TAF1: variants seen among roughly 807,000 people sequenced by gnomAD.
TAF1 encodes the protein transcription initiation factor TFIID subunit 1.
In TAF1, 2 loss-of-function variants were observed where a neutral mutation model predicts 138.5. The observed-to-expected ratio is 0.01, with a 90% confidence interval of 0.01 to 0.05. The LOEUF (loss-of-function observed/expected upper bound fraction) is 0.05. Among genes scored for constraint, TAF1 ranks in the 10% least tolerant of loss-of-function variants. The pLI is 1.00. For synonymous variants in TAF1, 437 were observed against 503.2 expected (o/e 0.87, Z 1.76); for missense variants, 709 against 1,478.0 (o/e 0.48, Z 8.53).
chrX:71,501,055 C>T (rs2039494937), intron 13 of TAF1, among the ~76,000 whole-genome samples: 2 of 66,097 alleles, frequency 3.0e-5, no homozygotes, highest in African/African-American at 8.8e-5. Flanking sequence ...AAGAACGAGA[C>T]TTCTCTCAAA....
chrX:71,503,361 T>C (rs186887134), intron 13 of TAF1, among the ~76,000 whole-genome samples: 1,293 of 98,989 alleles, frequency 0.013, 17 homozygotes, highest in African/African-American at 0.024. Flanking sequence ...TATATATATA[T>C]ACACACACAT....
rs762343552 is a variant in TAF1 at position 71,399,850 on chromosome X, G to A, written c.3786+1113G>A. Among the ~76,000 whole-genome samples the A allele has an allele frequency of 6.4e-5, 7 of 110,235 alleles. No homozygotes were observed. The East Asian group carries it at 1.7e-3, about 27-fold the overall frequency. On this transcript the variant is annotated intron_variant, in intron 24 of 37. Transcript: ENST00000423759. ...CGTTTCAAGCGGCAATCCTGCCTCA[G>A]CCTCCCGAGTAGCTGGGATTACAGG...
intron 1 of TAF1, among the ~76,000 whole-genome samples, chrX:71,366,832 T>C (rs912764892): frequency 2.2e-4 from 24 of 111,341 alleles, no homozygotes; most frequent in Non-Finnish European, 3.8e-4. Context: ...TTCTTGACAC[T>C]GCCTGCCCCT....
exon 15 of TAF1, chrX:71,529,963 C>T (rs944863594): frequency 1.1e-5 from 2 of 188,503 alleles, no homozygotes; most frequent in Admixed American, 1.4e-4. Context: ...GTGTGCTCCC[C>T]TTGCTGTTCT....
intron 4 of TAF1, among the ~76,000 whole-genome samples, 159 bp from the exon 5 acceptor site, chrX:71,376,791 A>G (rs1316928478): frequency 9.0e-6 from 1 of 111,502 alleles, no homozygotes; most frequent in African/African-American, 3.3e-5. Context: ...AACGAGTTAG[A>G]ATGAGTTTTC....
chrX:71,456,698 C>T (rs1035164406), intron 34 of TAF1, among the ~76,000 whole-genome samples: 1 of 38,405 alleles, frequency 2.6e-5, no homozygotes, highest in African/African-American at 1.3e-4. Flanking sequence ...TTTTTGAGAC[C>T]GAGTTTTGCT....
intron 32 of TAF1, among the ~76,000 whole-genome samples, chrX:71,437,912 T>A (rs919890872): frequency 3.8e-5 from 4 of 105,620 alleles, no homozygotes; most frequent in African/African-American, 1.4e-4. Flanking sequence ...CTTGGCTTAC[T>A]GCAACCTCCG....
chrX:71,426,163 T>C (rs1202096959), intron 32 of TAF1, among the ~76,000 whole-genome samples: 3 of 110,828 alleles, frequency 2.7e-5, no homozygotes, highest in African/African-American at 9.8e-5. Context: ...TTTTCTTTTT[T>C]GTAAATAGAG....
chrX:71,419,396 AC>A (rs1202394354), intron 28 of TAF1, among the ~76,000 whole-genome samples: 1 of 110,991 alleles, frequency 9.0e-6, no homozygotes, highest in African/African-American at 3.3e-5. Flanking sequence ...AAAAACAAAA[AC>A]AAAAACACCC....
In TAF1 at chrX:71,464,805, A is replaced by G. The variant is rs1350661073; in HGVS notation, c.*759A>G. 2 of 112,341 alleles carry G rather than the reference A, an allele frequency of 1.8e-5. No homozygotes were observed. The highest frequency in any genetic ancestry group is 1.9e-5 in the Non-Finnish European group (1 of 53,582). The allele number at this position is 112,341 out of a possible 1,213,427, so 9.3% of individuals were successfully genotyped here. A position where few individuals can be genotyped will look rare whatever the true frequency, so the allele number is the denominator to read the frequency against. ...CTGCTGGGACAGAGAATTGGGTTCT[A>G]GTGGACTCTGTGCTACACTTAAACC... On this transcript the variant is annotated 3_prime_UTR_variant, in exon 38 of 38. Transcript: ENST00000423759.
chrX:71,382,566 C>T lies in TAF1; in HGVS notation c.1568C>T (p.Ser523Phe). 1 of 1,210,332 alleles carries T rather than the reference C, an allele frequency of 8.3e-7. No individual in the cohort carries two copies. Reference sequence around the variant, plus strand: ...CCTGATGAGAAGGAAGAGGCCACCTCTAACTCCCCCTCCAAGGAGAGTAAG... The same window carrying T: ...CCTGATGAGAAGGAAGAGGCCACCTTTAACTCCCCCTCCAAGGAGAGTAAG... ...EIPDEKEEAT[S>F]NSPSKESKKE... The change falls in exon 10 of 38, where the codon TCT becomes TTT. Residue 523 changes from serine (S) to phenylalanine (F), a missense_variant. Coordinates refer to ENST00000423759, the MANE Select transcript of TAF1 (RefSeq NM_004606.5).
chrX:71,471,794 A>G (rs976174468), intron 13 of TAF1, among the ~76,000 whole-genome samples: 2 of 111,577 alleles, frequency 1.8e-5, no homozygotes, highest in African/African-American at 6.5e-5. Flanking sequence ...GACGTTTCCC[A>G]TTGGCTACTT....
chrX:71,402,942 G>T (rs2043727214), intron 25 of TAF1, among the ~76,000 whole-genome samples: 1 of 110,500 alleles, frequency 9.0e-6, no homozygotes, highest in Non-Finnish European at 1.9e-5. Flanking sequence ...CCCAGTTCTG[G>T]ATTCAATCCC....
chrX:71,403,638 T>C (rs185900217), intron 25 of TAF1, among the ~76,000 whole-genome samples: 129 of 111,582 alleles, frequency 1.2e-3, no homozygotes, highest in African/African-American at 4.1e-3. Context: ...CTTTTAATAG[T>C]TTTAGCATCG....
chrX:71,418,233 A>G lies in TAF1; in HGVS notation c.4385-3076A>G, dbSNP rs149720807. Reference sequence around the variant, plus strand: ...GTCAGCCTGCCGAGTAGCTGGGACTACAGGTGCATGCCATCACATCCAGCT... The same window carrying G: ...GTCAGCCTGCCGAGTAGCTGGGACTGCAGGTGCATGCCATCACATCCAGCT... On this transcript the variant is annotated intron_variant, in intron 28 of 37. Coordinates refer to ENST00000423759, the MANE Select transcript of TAF1 (RefSeq NM_004606.5). 7.2e-3 allele frequency among the ~76,000 whole-genome samples: 803 copies of G among 111,598 alleles called. 10 individuals carry two copies. Among genetic ancestry groups the G allele is most frequent in the African/African-American group, 0.025 (757 of 30,623 alleles).
chrX:71,447,282 T>C (rs939774770), intron 32 of TAF1, among the ~76,000 whole-genome samples: 1 of 111,624 alleles, frequency 9.0e-6, no homozygotes, highest in African/African-American at 3.3e-5. Context: ...GAATTATTTT[T>C]AGTATTTGTG....
chrX:71,497,883 C>T (rs1420852925), intron 13 of TAF1, among the ~76,000 whole-genome samples: 1 of 111,577 alleles, frequency 9.0e-6, no homozygotes, highest in Non-Finnish European at 1.9e-5. Flanking sequence ...GTTTTAATGT[C>T]CTAGGGTGAG....
rs1365382230 is a variant in TAF1, at chrX:71,463,924, G to C, written c.5500G>C (p.Glu1834Gln). The C allele has an allele frequency of 2.5e-6, 3 of 1,208,583 alleles. No individual in the cohort carries two copies. The highest frequency in any genetic ancestry group is 3.4e-6 in the Non-Finnish European group (3 of 893,743). Residue 1834 changes from glutamate to glutamine, a missense_variant, in exon 38 of 38, where the codon GAG becomes CAG. This residue lies in a region of TAF1 where 123 missense variants were observed against 174.7 expected (regional missense o/e 0.70). Transcript: ENST00000423759. ...YEVSEEEEDEEEEEQRSGPSV... is the reference protein window; with the variant it reads ...YEVSEEEEDEQEEEQRSGPSV... ...GGTATCAGAGGAGGAAGAAGATGAG[G>C]AGGAGGAAGAGCAGCGCTCTGGGCC...
intron 32 of TAF1, among the ~76,000 whole-genome samples, chrX:71,431,577 T>G (rs1027651032): frequency 1.8e-5 from 2 of 110,456 alleles, no homozygotes; most frequent in African/African-American, 3.3e-5. Flanking sequence ...AGTCACTGTT[T>G]AGAGGATGTG....
Sources: gnomAD v4.1 joint callset for allele counts (sites outside exome capture counted in the v4.1 genomes callset) on GRCh38, gnomAD v4.1.1 for gene constraint, gnomAD v4.1.1 regional missense constraint, MANE v1.5 for transcripts, NCBI Gene and HGNC (gene_info 2026-07-23, HGNC 2026-07-21) for gene names.